The following RABEP1 variants were observed in gnomAD, a reference collection of about 807,000 sequenced individuals.
RABEP1 encodes rabaptin, RAB GTPase binding effector protein 1.
A neutral mutation model predicts 123.4 loss-of-function variants in RABEP1; 51 were observed. The observed-to-expected ratio is 0.41, with a 90% confidence interval of 0.33 to 0.52. RABEP1 has a LOEUF of 0.52. Ranked by LOEUF, RABEP1 falls within the 20% of genes least tolerant of loss-of-function variation. RABEP1 has a pLI of 0.16. For missense variants in RABEP1, 888 were observed against 996.3 expected (o/e 0.89, Z 1.46); for synonymous variants, 347 against 355.2 (o/e 0.98, Z 0.26).
intron 2 of RABEP1, among the ~76,000 whole-genome samples, chr17:5,324,588 T>C (rs1348073571): frequency 6.6e-6 from 1 of 152,156 alleles, no homozygotes; most frequent in African/African-American, 2.4e-5. Context: ...TGCATCAGGC[T>C]AAGAAGCCTC....
At chr17:5,282,901 C>T (rs981556136) in intron 1 of RABEP1, among the ~76,000 whole-genome samples, 2 of 152,010 alleles carry the variant, frequency 1.3e-5, no homozygotes, top group African/African-American at 4.8e-5. Context: ...GAAAAAAAAT[C>T]TTAGCTTAGG....
chr17:5,333,942 G>C (rs190257872), intron 3 of RABEP1, among the ~76,000 whole-genome samples: 1 of 152,206 alleles, frequency 6.6e-6, no homozygotes, highest in South Asian at 2.1e-4. Flanking sequence ...ACTGGACAAT[G>C]TAGTTTTAAA....
chr17:5,381,730 T>G (rs1156766482), intron 17 of RABEP1: 4 of 557,612 alleles, frequency 7.2e-6, no homozygotes. Flanking sequence ...TGCCTCCTTA[T>G]GAGTAAAGTA....
At chr17:5,335,127 C>T (rs1307375416) in intron 3 of RABEP1, 57 bp from the exon 4 acceptor site, 2 of 1,424,858 alleles carry the variant, frequency 1.4e-6, no homozygotes, top group Non-Finnish European at 1.9e-6. Flanking sequence ...ATTTAGTGTG[C>T]CAGGTTATTT....
chr17:5,333,414 G>A (rs1906755474), intron 3 of RABEP1, among the ~76,000 whole-genome samples: 1 of 152,010 alleles, frequency 6.6e-6, no homozygotes, highest in Admixed American at 6.6e-5. Context: ...TGCCCGCCTC[G>A]GCCTCCCAAA....
chr17:5,381,141 G>T (rs540873179), intron 16 of RABEP1, among the ~76,000 whole-genome samples: 4 of 152,134 alleles, frequency 2.6e-5, no homozygotes, highest in Non-Finnish European at 4.4e-5. Flanking sequence ...TGCTGGGGGT[G>T]GGGGAGGGCA....
At chr17:5,299,627 C>T (rs34494905) in intron 1 of RABEP1, among the ~76,000 whole-genome samples, 39,099 of 150,640 alleles carry the variant, frequency 0.26, 5,233 homozygotes, top group East Asian at 0.3. Flanking sequence ...GCCTTGTGAC[C>T]CAGTCCTCTC....
At chr17:5,286,653 G>GAC (rs1035563783) in intron 1 of RABEP1, among the ~76,000 whole-genome samples, 1 of 152,132 alleles carries the variant, frequency 6.6e-6, no homozygotes, top group Non-Finnish European at 1.5e-5. Context: ...TAATCCTATA[G>GAC]ACACACACAA....
chr17:5,358,454 C>A lies in RABEP1; in HGVS notation c.1096-2754C>A, dbSNP rs770357116. On this transcript the variant is annotated intron_variant, in intron 8 of 17. Coordinates refer to ENST00000537505, the MANE Select transcript of RABEP1 (RefSeq NM_004703.6). ...TGGAGGCTGAGACAGGCGGATCATT[C>A]GAGGCCAGGAGTTTGAGACCAGCCT... Among the ~76,000 whole-genome samples the A allele has an allele frequency of 2.6e-5, 4 of 152,112 alleles. No homozygotes were observed. In the South Asian group the frequency reaches 8.3e-4, roughly 32 times the overall value.
At chr17:5,309,848 A>G (rs1014406160) in intron 2 of RABEP1, among the ~76,000 whole-genome samples, 3 of 152,184 alleles carry the variant, frequency 2.0e-5, no homozygotes, top group African/African-American at 7.2e-5. Flanking sequence ...CATTATCGTC[A>G]TCATCACCTG....
At chr17:5,358,994 T>C (rs1909261366) in intron 8 of RABEP1, among the ~76,000 whole-genome samples, 1 of 152,094 alleles carries the variant, frequency 6.6e-6, no homozygotes, top group Non-Finnish European at 1.5e-5. Flanking sequence ...ACTCCTGGGC[T>C]CAACCTATCC....
intron 5 of RABEP1, among the ~76,000 whole-genome samples, chr17:5,339,468 C>A (rs1567532153): frequency 6.6e-6 from 1 of 152,084 alleles, no homozygotes; most frequent in Non-Finnish European, 1.5e-5. Flanking sequence ...ATGATCATGC[C>A]ACTGCACTCC....
At chr17:5,355,133 C>T (rs1330672026) in intron 8 of RABEP1, among the ~76,000 whole-genome samples, 1 of 152,208 alleles carries the variant, frequency 6.6e-6, no homozygotes, top group East Asian at 1.9e-4. Flanking sequence ...AGTGCAGCTG[C>T]AGTCAGGCCA....
chr17:5,317,327 G>A (rs1421524471), intron 2 of RABEP1, among the ~76,000 whole-genome samples: 1 of 152,076 alleles, frequency 6.6e-6, no homozygotes, highest in Non-Finnish European at 1.5e-5. Context: ...AGAGACACAT[G>A]ATCATCTTAC....
chr17:5,299,731 C>CTTTTTTTTTTTTTTTTTTCTTTTTT (rs1171650180), intron 1 of RABEP1, among the ~76,000 whole-genome samples: 1 of 96,868 alleles, frequency 1.0e-5, no homozygotes, highest in African/African-American at 4.6e-5. Flanking sequence ...TTTTCTTTTT[C>CTTTTTTTTTTTTTTTTTTCTTTTTT]TTTTTTTTTT....
chr17:5,318,135 T>G (rs1316837692), intron 2 of RABEP1, among the ~76,000 whole-genome samples: 3 of 152,146 alleles, frequency 2.0e-5, no homozygotes, highest in African/African-American at 7.2e-5. Flanking sequence ...TAATCAAACC[T>G]AAGGAGATGG....
intron 1 of RABEP1, among the ~76,000 whole-genome samples, chr17:5,308,077 G>A (rs979578148): frequency 1.3e-5 from 2 of 152,164 alleles, no homozygotes; most frequent in Non-Finnish European, 2.9e-5. Flanking sequence ...ATATTTAACA[G>A]TTCTAAAATT....
At chr17:5,363,940 G>T (rs1039149103) in intron 10 of RABEP1, among the ~76,000 whole-genome samples, 1 of 152,132 alleles carries the variant, frequency 6.6e-6, no homozygotes, top group African/African-American at 2.4e-5. Flanking sequence ...CAAAGTCTAC[G>T]TAAGAAAGAT....
At chr17:5,315,290 ATT>A (rs2075284901) in intron 2 of RABEP1, among the ~76,000 whole-genome samples, 1 of 152,236 alleles carries the variant, frequency 6.6e-6, no homozygotes, top group African/African-American at 2.4e-5. Context: ...TTGCTAATAG[ATT>A]TAACCAGTAG....
Sources: gnomAD v4.1 joint callset for allele counts (sites outside exome capture counted in the v4.1 genomes callset) on GRCh38, gnomAD v4.1.1 for gene constraint, MANE v1.5 for transcripts, NCBI Gene and HGNC (gene_info 2026-07-23, HGNC 2026-07-21) for gene names.